The following ECI1 variants were observed in gnomAD, a reference collection of about 807,000 sequenced individuals.
The protein encoded by ECI1 is enoyl-CoA delta isomerase 1, also known as enoyl-CoA delta isomerase 1, mitochondrial.
ECI1 carries 34 observed loss-of-function variants against 34.2 expected under a neutral mutation model. The ratio of observed to expected loss-of-function variants is 1.00; its 90% CI spans 0.76 to 1.33. The LOEUF (loss-of-function observed/expected upper bound fraction) is 1.33. Ranked by LOEUF, ECI1 falls within the 40% of genes most tolerant of loss-of-function variation. ECI1 has a pLI of 0.00. For synonymous variants in ECI1, 211 were observed against 193.0 expected (o/e 1.09, Z -0.77); for missense variants, 456 against 422.2 (o/e 1.08, Z -0.70).
chr16:2,249,643 G>A (rs1430998827), intron 2 of ECI1, among the ~76,000 whole-genome samples: 3 of 150,314 alleles, frequency 2.0e-5, no homozygotes, highest in Non-Finnish European at 4.4e-5. Flanking sequence ...AGGCCGAGGC[G>A]GGTGGATCAC....
At position 2,251,583 on chromosome 16, in the gene ECI1, G is replaced by A. The variant is rs1266723172; in HGVS notation, c.-17C>T. 2.7e-5 allele frequency: 42 copies of A among 1,551,590 alleles called. No individual in the cohort carries two copies. The highest frequency in any genetic ancestry group is 3.5e-5 in the Non-Finnish European group (40 of 1,148,404). On this transcript the variant is annotated 5_prime_UTR_variant, in exon 1 of 7. Coordinates refer to ENST00000301729, the MANE Select transcript of ECI1 (RefSeq NM_001919.4). ...CAGCGCCATCTTGACCGCAACGCGC[G>A]GGATAAAGGTCGCGGGCTGAGCTCG...
intron 6 of ECI1, among the ~76,000 whole-genome samples, chr16:2,242,054 T>A (rs1278672410): frequency 1.3e-5 from 2 of 152,096 alleles, no homozygotes. Context: ...GAGACAGGGT[T>A]TCACCGTGTT....
chr16:2,251,434 G>C lies in ECI1; in HGVS notation c.53-5C>G. The C allele has an allele frequency of 2.1e-6, 3 of 1,452,772 alleles. No homozygotes were observed. The highest frequency in any genetic ancestry group is 2.7e-6 in the Non-Finnish European group (3 of 1,100,176). 90.0% of individuals were successfully genotyped at this position (1,452,772 alleles called of 1,614,324 possible). A position where few individuals can be genotyped will look rare whatever the true frequency, so the allele number is the denominator to read the frequency against. ...CCGCGCCCGGGAGCCGGGCCCCTGC[G>C]AAGGCAGCGTGGGGGAGCCCGTTAG... On this transcript the variant is annotated splice_polypyrimidine_tract_variant and splice_region_variant and intron_variant, in intron 1 of 6. Transcript: ENST00000301729.
intron 3 of ECI1, among the ~76,000 whole-genome samples, chr16:2,245,419 G>GTGGA (rs1161325357): frequency 1.3e-5 from 2 of 152,248 alleles, no homozygotes; most frequent in Non-Finnish European, 2.9e-5. Flanking sequence ...TGGGACAGAT[G>GTGGA]GGATGGCCTC....
At position 2,244,464 on chromosome 16, in the gene ECI1, A is replaced by G; in HGVS notation, c.383T>C (p.Val128Ala). 6.2e-7 allele frequency: 1 copy of G among 1,612,106 alleles called. No individual in the cohort carries two copies. The highest frequency in any genetic ancestry group is 8.5e-7 in the Non-Finnish European group (1 of 1,179,622). Residue 128 changes from valine to alanine, a missense_variant, in exon 4 of 7, where the codon GTT becomes GCT. Coordinates refer to ENST00000301729, the MANE Select transcript of ECI1 (RefSeq NM_001919.4). Reference protein sequence around the residue: ...PAHYAGYWKAVQELWLRLYQS... With the variant: ...PAHYAGYWKAAQELWLRLYQS... ...GTACAACCGCAGCCACAGCTCCTGAACGGCCTTCCAGTACCCAGCGTAGTG... is the reference window on the plus strand; with the variant it reads ...GTACAACCGCAGCCACAGCTCCTGAGCGGCCTTCCAGTACCCAGCGTAGTG...
rs534201962 is a variant in ECI1 at position 2,245,142 on chromosome 16, C to T, written c.295-590G>A. Among the ~76,000 whole-genome samples the T allele has an allele frequency of 3.0e-3, 456 of 152,284 alleles. 1 individual carries two copies. Among genetic ancestry groups the T allele is most frequent in the Non-Finnish European group, 5.0e-3 (339 of 68,004 alleles). On this transcript the variant is annotated intron_variant, in intron 3 of 6. Coordinates refer to ENST00000301729, the MANE Select transcript of ECI1 (RefSeq NM_001919.4). ...CAGTCAGGGCTGCCGGCCAGGGAGG[C>T]GGGCTCGGGGAGGAGTGGAGAACCC...
rs758242540 is a variant in ECI1 at position 2,246,979 on chromosome 16, A to T, written c.174T>A (p.Ala58=). The T allele has an allele frequency of 3.1e-6, 5 of 1,613,334 alleles. No homozygotes were observed. The highest frequency in any genetic ancestry group is 4.2e-6 in the Non-Finnish European group (5 of 1,179,976). The stretch of plus-strand genomic sequence containing the variant: ...CTGGGGGGTTCTTGAATTTCATCAC[A>T]GCGACCCCTAATTTAAAGAATGAGA... ...LVEPDAGAGV[A]VMKFKNPPVN... Residue 58 remains alanine, a synonymous_variant, in exon 3 of 7, where the codon GCT becomes GCA. Transcript: ENST00000301729.
At chr16:2,244,247 C>T (rs2093534864) in intron 4 of ECI1, 159 bp downstream of exon 4, 1 of 869,344 alleles carries the variant, frequency 1.2e-6, no homozygotes, top group Non-Finnish European at 1.8e-6. Flanking sequence ...TCTCAACACG[C>T]CCCGTGGTCT....
At chr16:2,241,723 A>T (rs1231451042) in intron 6 of ECI1, 1 of 151,448 alleles carries the variant, frequency 6.6e-6, no homozygotes, top group African/African-American at 2.4e-5. Flanking sequence ...ACAGAGTCTC[A>T]CTCTGTCACC....
chr16:2,250,329 A>G (rs2093550413), intron 2 of ECI1, among the ~76,000 whole-genome samples: 1 of 150,700 alleles, frequency 6.6e-6, no homozygotes, highest in Non-Finnish European at 1.5e-5. Flanking sequence ...TCAAGTTTGT[A>G]GAGAGAGCCC....
chr16:2,243,447 G>A lies in ECI1; in HGVS notation c.442-8C>T. 6.2e-7 allele frequency: 1 copy of A among 1,611,844 alleles called. No homozygotes were observed. Among genetic ancestry groups the A allele is most frequent in the Non-Finnish European group, 8.5e-7 (1 of 1,179,952 alleles). On this transcript the variant is annotated splice_region_variant and splice_polypyrimidine_tract_variant and intron_variant, in intron 4 of 6. Coordinates refer to ENST00000301729, the MANE Select transcript of ECI1 (RefSeq NM_001919.4). Reference sequence around the variant, plus strand: ...TCCAGCGGGGCAGGCTCCCTGCAGGGAGAGGCCGGACAGGGCTCTTAGGTG... The same window carrying A: ...TCCAGCGGGGCAGGCTCCCTGCAGGAAGAGGCCGGACAGGGCTCTTAGGTG...
rs772459970 is a variant in ECI1 at position 2,243,371 on chromosome 16, G to C, written c.510C>G (p.Pro170=). 6.2e-7 allele frequency: 1 copy of C among 1,613,750 alleles called. No homozygotes were observed. Among genetic ancestry groups the C allele is most frequent in the African/African-American group, 1.3e-5 (1 of 75,076 alleles). ...TCDYRILADN[P]RYCIGLNETQ... ...TCTCATTGAGTCCTATGCAGTACCT[G>C]GGGTTGTCCGCCAGGATGCGGTAGT... The change falls in exon 5 of 7, where the codon CCC becomes CCG. Residue 170 remains proline, a synonymous_variant. Transcript: ENST00000301729.
At chr16:2,240,507 G>A (rs912215296) in intron 6 of ECI1, 5 of 273,792 alleles carry the variant, frequency 1.8e-5, no homozygotes, top group African/African-American at 4.5e-5. Context: ...CAGCACGCCC[G>A]GCCCTAATTT....
rs140502395 is a variant in ECI1, at chr16:2,245,485, C to G, written c.295-933G>C. 7.9e-5 allele frequency among the ~76,000 whole-genome samples: 12 copies of G among 152,356 alleles called. No individual in the cohort carries two copies. The East Asian group carries it at 2.3e-3, about 29-fold the overall frequency. On this transcript the variant is annotated intron_variant, in intron 3 of 6. Coordinates refer to ENST00000301729, the MANE Select transcript of ECI1 (RefSeq NM_001919.4). ...AACGGTGCGGGTGGGCAACGCAGCT[C>G]CGCTGTTCCCAAACAGGTGTGAGCT...
chr16:2,250,514 G>A (rs1281846646), intron 2 of ECI1, among the ~76,000 whole-genome samples: 1 of 152,122 alleles, frequency 6.6e-6, no homozygotes, highest in Non-Finnish European at 1.5e-5. Flanking sequence ...GCCACAGCAG[G>A]GACTGCTGCA....
chr16:2,240,212 T>G, intron 6 of ECI1, 67 bp from the exon 7 acceptor site: 1 of 1,520,886 alleles, frequency 6.6e-7, no homozygotes, highest in Non-Finnish European at 8.9e-7. Context: ...CCCAACTTAT[T>G]TTTTATTTTT....
intron 2 of ECI1, among the ~76,000 whole-genome samples, chr16:2,249,445 A>T (rs1395108612): frequency 6.6e-6 from 1 of 152,196 alleles, no homozygotes; most frequent in Non-Finnish European, 1.5e-5. Flanking sequence ...CAAAATGGCT[A>T]GAATGGTAAA....
rs1017223321 is a variant in ECI1, at chr16:2,239,649, T to G, written c.*330A>C. 5.1e-6 allele frequency: 2 copies of G among 389,568 alleles called. No homozygotes were observed. The highest frequency in any genetic ancestry group is 9.8e-6 in the Non-Finnish European group (2 of 203,360). 24.1% of individuals were successfully genotyped at this position (389,568 alleles called of 1,614,324 possible). A position where few individuals can be genotyped will look rare whatever the true frequency, so the allele number is the denominator to read the frequency against. On this transcript the variant is annotated 3_prime_UTR_variant, in exon 7 of 7. Coordinates refer to ENST00000301729, the MANE Select transcript of ECI1 (RefSeq NM_001919.4). ...AGAGCAGGCAGTCCAAAGGCCAGAATGGATGACCAGGGACTTGACTTACGA... is the reference window on the plus strand; with the variant it reads ...AGAGCAGGCAGTCCAAAGGCCAGAAGGGATGACCAGGGACTTGACTTACGA...
chr16:2,242,740 A>G, intron 6 of ECI1: 1 of 470,540 alleles, frequency 2.1e-6, no homozygotes. Flanking sequence ...AGGCGCCCAC[A>G]AGCCCAGGGA....
Sources: gnomAD v4.1 joint callset for allele counts (sites outside exome capture counted in the v4.1 genomes callset) on GRCh38, gnomAD v4.1.1 for gene constraint, MANE v1.5 for transcripts, NCBI Gene and HGNC (gene_info 2026-07-23, HGNC 2026-07-21) for gene names.